NRG1: variants seen among roughly 807,000 people sequenced by gnomAD.
The protein encoded by NRG1 is neuregulin 1, also known as pro-neuregulin-1, membrane-bound isoform.
NRG1 carries 18 observed loss-of-function variants against 63.8 expected under a neutral mutation model. The observed-to-expected ratio is 0.28, with a 90% CI of 0.19 to 0.42. The LOEUF (loss-of-function observed/expected upper bound fraction) is 0.42. NRG1 is among the 10% of genes least tolerant of loss of function. The pLI is 1.00. For missense variants in NRG1, 762 were observed against 814.7 expected (o/e 0.94, Z 0.79); for synonymous variants, 302 against 301.3 (o/e 1.00, Z -0.02).
At chr8:31,685,543 G>A (rs1035731820) in intron 1 of NRG1, among the ~76,000 whole-genome samples, 1 of 152,116 alleles carries the variant, frequency 6.6e-6, no homozygotes, top group Non-Finnish European at 1.5e-5. Flanking sequence ...TCTACATAAA[G>A]TGTACAATTT....
At chr8:32,506,045 T>C (rs1185767268) in intron 1 of NRG1, among the ~76,000 whole-genome samples, 1 of 151,870 alleles carries the variant, frequency 6.6e-6, no homozygotes, top group East Asian at 1.9e-4. Context: ...AGGCCAGGAG[T>C]TGGAGACCAT....
At position 31,880,334 on chromosome 8, in the gene NRG1, C is replaced by G. The variant is rs550361692; in HGVS notation, c.37+240903C>G. 5.3e-4 allele frequency among the ~76,000 whole-genome samples: 80 copies of G among 152,248 alleles called. 1 individual carries two copies. The highest frequency in any genetic ancestry group is 1.6e-3 in the African/African-American group (67 of 41,562). On this transcript the variant is annotated intron_variant, in intron 1 of 10. Coordinates refer to the NRG1 transcript ENST00000519301. The stretch of plus-strand genomic sequence containing the variant: ...CCATTTTAGCTTTTGGGGGCCTTCT[C>G]TAAGAAGGGTGGAGTAGTTAATGTA...
At chr8:32,006,885 G>A (rs779256422) in intron 1 of NRG1, among the ~76,000 whole-genome samples, 1 of 152,044 alleles carries the variant, frequency 6.6e-6, no homozygotes, top group Non-Finnish European at 1.5e-5. Flanking sequence ...ACAGAACTGT[G>A]AAATAATACA....
intron 1 of NRG1, among the ~76,000 whole-genome samples, chr8:32,512,019 T>C (rs1286492501): frequency 6.6e-6 from 1 of 151,996 alleles, no homozygotes; most frequent in African/African-American, 2.4e-5. Flanking sequence ...TAGGAGGCTA[T>C]AATGTGATCA....
chr8:31,889,371 A>G (rs1830970000), intron 1 of NRG1, among the ~76,000 whole-genome samples: 2 of 152,224 alleles, frequency 1.3e-5, no homozygotes, highest in Admixed American at 1.3e-4. Context: ...GGAGACTTCA[A>G]GTTTGTGGAC....
intron 7 of NRG1, among the ~76,000 whole-genome samples, chr8:32,745,690 G>A (rs1011413113): frequency 2.9e-5 from 4 of 139,660 alleles, no homozygotes; most frequent in Admixed American, 7.0e-5. Flanking sequence ...GTGTGTGTTC[G>A]TGTGTGTGTC....
intron 5 of NRG1, among the ~76,000 whole-genome samples, chr8:32,634,532 T>C (rs893923200): frequency 3.3e-5 from 5 of 152,240 alleles, no homozygotes; most frequent in African/African-American, 4.8e-5. Context: ...CATAATTAAG[T>C]TGACAACCTA....
chr8:32,375,339 A>G (rs1228854270), intron 1 of NRG1, among the ~76,000 whole-genome samples: 1 of 152,198 alleles, frequency 6.6e-6, no homozygotes, highest in Non-Finnish European at 1.5e-5. Flanking sequence ...TAAGTTTAAG[A>G]GATAAGTATG....
intron 1 of NRG1, among the ~76,000 whole-genome samples, chr8:32,169,008 C>G (rs149368041): frequency 1.3e-5 from 2 of 152,330 alleles, no homozygotes; most frequent in African/African-American, 4.8e-5. Flanking sequence ...TTTCCTACCA[C>G]TGTCCCTGTT....
intron 1 of NRG1, among the ~76,000 whole-genome samples, chr8:31,714,787 T>G (rs1812185007): frequency 6.6e-6 from 1 of 152,160 alleles, no homozygotes; most frequent in Non-Finnish European, 1.5e-5. Context: ...ACTCTCTCAT[T>G]GAAATAATTC....
At chr8:32,117,214 C>T (rs1359145810) in intron 1 of NRG1, among the ~76,000 whole-genome samples, 2 of 151,868 alleles carry the variant, frequency 1.3e-5, no homozygotes, top group African/African-American at 4.8e-5. Flanking sequence ...GTGAAATCAC[C>T]CAACCGTAGT....
chr8:32,454,019 A>G (rs1326985341), intron 1 of NRG1, among the ~76,000 whole-genome samples: 2 of 152,206 alleles, frequency 1.3e-5, no homozygotes, highest in African/African-American at 4.8e-5. Flanking sequence ...GCCTGGGTAA[A>G]AGTTTAATTT....
At chr8:31,968,828 C>A (rs554658871) in intron 1 of NRG1, among the ~76,000 whole-genome samples, 2 of 152,146 alleles carry the variant, frequency 1.3e-5, no homozygotes, top group Non-Finnish European at 2.9e-5. Flanking sequence ...TGGCAATTGA[C>A]ACGATAAGAG....
intron 6 of NRG1, among the ~76,000 whole-genome samples, chr8:32,732,773 ACAG>A (rs1824016334): frequency 6.6e-6 from 1 of 150,868 alleles, no homozygotes; most frequent in African/African-American, 2.4e-5. Context: ...ACCTGTTTTA[ACAG>A]ACTGTGTTAT....
At chr8:31,978,776 A>C (rs777739938) in intron 1 of NRG1, among the ~76,000 whole-genome samples, 1 of 152,250 alleles carries the variant, frequency 6.6e-6, no homozygotes, top group East Asian at 1.9e-4. Context: ...CATATATCCC[A>C]TGTATGTGAG....
intron 1 of NRG1, among the ~76,000 whole-genome samples, chr8:32,374,216 G>T (rs150513313): frequency 1.1e-3 from 163 of 152,286 alleles, no homozygotes; most frequent in African/African-American, 3.7e-3. Context: ...TTTCCCAAGT[G>T]CCTATTAGAG....
chr8:32,553,212 G>A (rs184810708), intron 1 of NRG1, among the ~76,000 whole-genome samples: 1 of 152,068 alleles, frequency 6.6e-6, no homozygotes, highest in African/African-American at 2.4e-5. Context: ...ATTATCATGA[G>A]GGTTTCATGA....
chr8:32,364,056 T>C (rs1025910016), intron 1 of NRG1, among the ~76,000 whole-genome samples: 8 of 148,952 alleles, frequency 5.4e-5, no homozygotes, highest in South Asian at 4.3e-4. Flanking sequence ...ATTAACACTT[T>C]GGCGTACTTC....
At chr8:32,280,696 T>TTG (rs1554496193) in intron 1 of NRG1, among the ~76,000 whole-genome samples, 3 of 131,680 alleles carry the variant, frequency 2.3e-5, no homozygotes, top group African/African-American at 8.6e-5. Context: ...TTTTTGTTTT[T>TTG]TTTTTTTTTT....
Sources: gnomAD v4.1 joint callset for allele counts (sites outside exome capture counted in the v4.1 genomes callset) on GRCh38, gnomAD v4.1.1 for gene constraint, MANE v1.5 for transcripts, NCBI Gene and HGNC (gene_info 2026-07-23, HGNC 2026-07-21) for gene names.